UGT1A10: variants seen among roughly 807,000 people sequenced by gnomAD.
The protein encoded by UGT1A10 is UDP-glucuronosyltransferase 1A10.
UGT1A10 carries 49 observed loss-of-function variants against 45.8 expected under a neutral mutation model. The observed-to-expected ratio is 1.07, with a 90% CI of 0.85 to 1.36. The LOEUF is 1.36. Among genes scored for constraint, UGT1A10 ranks in the 40% most tolerant of loss-of-function variants. The pLI is 0.00. For synonymous variants in UGT1A10, 284 were observed against 249.7 expected, an observed-to-expected ratio of 1.14 and a Z score of -1.29; for missense variants, 745 against 668.6, an observed-to-expected ratio of 1.11 and a Z score of -1.26.
rs1042710 is a variant in UGT1A10 at position 233,772,562 on chromosome 2, A to G, written c.*3A>G. The G allele has an allele frequency of 6.2e-7, 1 of 1,613,458 alleles. No homozygotes were observed. The highest frequency in any genetic ancestry group is 8.5e-7 in the Non-Finnish European group (1 of 1,179,694). On this transcript the variant is annotated 3_prime_UTR_variant, in exon 5 of 5. Transcript: ENST00000344644. ...CCCACAAATCCAAGACCCATTGAGA[A>G]GTGGGTGGGAAATAAGGTAAAATTT...
At chr2:233,685,229 C>T (rs975059697) in intron 1 of UGT1A10, among the ~76,000 whole-genome samples, 45 of 152,106 alleles carry the variant, frequency 3.0e-4, no homozygotes, top group Admixed American at 5.9e-4. Context: ...GACGGGGTTT[C>T]ACCATGTTGG....
chr2:233,759,311 G>A (rs1276961284), intron 1 of UGT1A10, among the ~76,000 whole-genome samples: 2 of 152,170 alleles, frequency 1.3e-5, no homozygotes, highest in African/African-American at 2.4e-5. Context: ...TGGCTGAGGT[G>A]GGTGAGCTTT....
At chr2:233,730,730 G>A (rs186110324) in intron 1 of UGT1A10, among the ~76,000 whole-genome samples, 24 of 152,186 alleles carry the variant, frequency 1.6e-4, no homozygotes, top group African/African-American at 4.1e-4. Context: ...AAGAAATGGC[G>A]GAAGGGGCTA....
chr2:233,719,033 A>G, intron 1 of UGT1A10: 2 of 1,614,270 alleles, frequency 1.2e-6, no homozygotes, highest in Admixed American at 1.7e-5. Context: ...ACATCAAAGA[A>G]GAGAAATTTT....
At chr2:233,740,578 C>T (rs1384729734) in intron 1 of UGT1A10, 2 of 151,846 alleles carry the variant, frequency 1.3e-5, no homozygotes, top group South Asian at 4.1e-4. Flanking sequence ...TTTTTTGGGA[C>T]CCTAATGAAA....
chr2:233,691,190 G>A, intron 1 of UGT1A10: 1 of 985,670 alleles, frequency 1.0e-6, no homozygotes, highest in Non-Finnish European at 1.2e-6. Context: ...CAAGAAGGTG[G>A]ACCTGAGCTC....
At chr2:233,693,977 T>TG in intron 1 of UGT1A10, 1 of 1,559,130 alleles carries the variant, frequency 6.4e-7, no homozygotes, top group Non-Finnish European at 8.7e-7. Context: ...GGAGAAACGG[T>TG]GGGGGGAAGT....
At chr2:233,750,259 G>A (rs1161591814) in intron 1 of UGT1A10, among the ~76,000 whole-genome samples, 1 of 151,924 alleles carries the variant, frequency 6.6e-6, no homozygotes, top group Non-Finnish European at 1.5e-5. Flanking sequence ...GGTCACCCTT[G>A]CTATGCTTTA....
At chr2:233,718,866 C>T in intron 1 of UGT1A10, 1 of 1,613,892 alleles carries the variant, frequency 6.2e-7, no homozygotes, top group Non-Finnish European at 8.5e-7. Context: ...GGCCACAGGA[C>T]TGCTGCTCCT....
rs1387823761 is a variant in UGT1A10 at position 233,672,487 on chromosome 2, G to A, written c.855+35110G>A. On this transcript the variant is annotated intron_variant, in intron 1 of 4. Transcript: ENST00000344644. ...TCTTGAAGAAGGTGCACAGTGCCCT[G>A]CTCCTCTTTCCTATGTCCCCAGAAT... The A allele has an allele frequency of 1.9e-6, 3 of 1,613,938 alleles. No individual in the cohort carries two copies. In the East Asian group the frequency reaches 6.7e-5, roughly 36 times the overall value.
At chr2:233,719,108 C>T (rs2076726952) in intron 1 of UGT1A10, 1 of 1,614,264 alleles carries the variant, frequency 6.2e-7, no homozygotes, top group Non-Finnish European at 8.5e-7. Flanking sequence ...CGCTGGGCTA[C>T]ACTCAAGGGT....
chr2:233,705,112 G>T (rs1194885288), intron 1 of UGT1A10, among the ~76,000 whole-genome samples: 1 of 149,892 alleles, frequency 6.7e-6, no homozygotes, highest in Admixed American at 6.7e-5. Context: ...CGCCAGCCTG[G>T]GGGACAAGAG....
chr2:233,719,162 G>T (rs1279561037), intron 1 of UGT1A10: 6 of 1,614,136 alleles, frequency 3.7e-6, no homozygotes, highest in Non-Finnish European at 4.2e-6. Context: ...CTAGAAGTAT[G>T]GCAATTATGA....
In UGT1A10 at chr2:233,755,096, G is replaced by C. The variant is rs62191920; in HGVS notation, c.856-11938G>C. 1.4e-3 allele frequency: 1,898 copies of C among 1,334,450 alleles called. 9 individuals are homozygous for C. The highest frequency in any genetic ancestry group is 1.7e-3 in the Non-Finnish European group (1,703 of 992,024). 82.7% of individuals were successfully genotyped at this position (1,334,450 alleles called of 1,614,324 possible). A position where few individuals can be genotyped will look rare whatever the true frequency, so the allele number is the denominator to read the frequency against. ...GGTCATAGATATCGCGTTTCTACGC[G>C]TCCGACAACACCTCGTAGGCCTCAG... On this transcript the variant is annotated intron_variant, in intron 1 of 4. Transcript: ENST00000344644.
intron 1 of UGT1A10, among the ~76,000 whole-genome samples, chr2:233,698,826 G>C (rs1354236618): frequency 6.6e-6 from 1 of 152,220 alleles, no homozygotes; most frequent in Non-Finnish European, 1.5e-5. Context: ...GGAAGAGTAA[G>C]GCAGGATCAC....
At chr2:233,757,561 T>TATATATATA (rs71058576) in intron 1 of UGT1A10, among the ~76,000 whole-genome samples, 1 of 121,178 alleles carries the variant, frequency 8.3e-6, no homozygotes, top group Non-Finnish European at 1.7e-5. Context: ...TATATATATA[T>TATATATATA]GTATATATGA....
At position 233,768,342 on chromosome 2, in the gene UGT1A10, C is replaced by A. The variant is rs778766461; in HGVS notation, c.1198C>A (p.Arg400Ser). ...LFGDQMDNAK[R>S]METKGAGVTL... ...TGGTGATCAGATGGACAATGCAAAGCGCATGGAGACTAAGGGAGCTGGAGT... is the reference window on the plus strand; with the variant it reads ...TGGTGATCAGATGGACAATGCAAAGAGCATGGAGACTAAGGGAGCTGGAGT... The change falls in exon 4 of 5, where the codon CGC becomes AGC. Residue 400 changes from arginine (R) to serine (S), a missense_variant. By Grantham distance (110) the Arg-to-Ser change is moderately radical. Coordinates refer to ENST00000344644, the MANE Select transcript of UGT1A10 (RefSeq NM_019075.4). 6.2e-7 allele frequency: 1 copy of A among 1,613,974 alleles called. No individual in the cohort carries two copies. Among genetic ancestry groups the A allele is most frequent in the Non-Finnish European group, 8.5e-7 (1 of 1,180,048 alleles).
At chr2:233,729,323 A>G in intron 1 of UGT1A10, 2 of 1,614,278 alleles carry the variant, frequency 1.2e-6, no homozygotes, top group Non-Finnish European at 1.7e-6. Context: ...CCAGAGGTGA[A>G]TATGCACATC....
chr2:233,769,487 TTA>T lies in UGT1A10; in HGVS notation c.1295+1050_1295+1051del. On this transcript the variant is annotated intron_variant, in intron 4 of 4. Coordinates refer to ENST00000344644, the MANE Select transcript of UGT1A10 (RefSeq NM_019075.4). This position sits in a 1 kb window ranked among gnomAD's most constrained non-coding sequence, Gnocchi z 4.4. ...TGCGTGTGTGTGTGTGTGCGTGTGT[TTA>T]TGAGAGTGTCCATTGCTTTCTCCCA... The T allele has an allele frequency of 1.2e-6, 2 of 1,612,452 alleles. No individual in the cohort carries two copies. The highest frequency in any genetic ancestry group is 1.7e-6 in the Non-Finnish European group (2 of 1,179,688).
Sources: gnomAD v4.1 joint callset for allele counts (sites outside exome capture counted in the v4.1 genomes callset) on GRCh38, gnomAD v4.1.1 for gene constraint, Gnocchi (gnomAD v3.1) non-coding constraint, MANE v1.5 for transcripts, NCBI Gene and HGNC (gene_info 2026-07-23, HGNC 2026-07-21) for gene names.